Variants in GFI1B observed in about 807,000 individuals in gnomAD.
The protein encoded by GFI1B is growth factor independent 1B transcriptional repressor, also known as zinc finger protein Gfi-1b.
Under a neutral mutation model 35.3 loss-of-function variants are expected in GFI1B, and 20 were observed. The ratio of observed to expected loss-of-function variants is 0.57; its 90% CI spans 0.40 to 0.82. GFI1B has a LOEUF of 0.82. GFI1B is among the 40% of genes least tolerant of loss of function. The pLI is 0.00. For missense variants in GFI1B, 430 were observed against 446.3 expected (o/e 0.96, Z 0.33); for synonymous variants, 178 against 177.6 (o/e 1.00, Z -0.02).
At chr9:132,984,198 G>A (rs61023689) in intron 1 of GFI1B, among the ~76,000 whole-genome samples, 2,480 of 152,290 alleles carry the variant, frequency 0.016, 67 homozygotes, top group African/African-American at 0.056. Flanking sequence ...AGTGCAAGGG[G>A]AACCCCACAC....
Position 132,989,314 on chromosome 9 carries a change from G to A in GFI1B, c.648+116G>A. Reference sequence around the variant, plus strand: ...CTGCCCCTGGGGGTGACACAGATTGGGAGGGGTCCCCTAGTACCCACCTCC... The same window carrying A: ...CTGCCCCTGGGGGTGACACAGATTGAGAGGGGTCCCCTAGTACCCACCTCC... On this transcript the variant is annotated intron_variant, in intron 5 of 6. Transcript: ENST00000372122. The surrounding 1 kb of genome is among the most constrained non-coding windows in gnomAD (Gnocchi z 6.2). 1 of 1,057,016 alleles carries A rather than the reference G, an allele frequency of 9.5e-7. No individual in the cohort carries two copies. The allele number at this position is 1,057,016 out of a possible 1,614,324, so 65.5% of individuals were successfully genotyped here.
chr9:132,979,322 C>T (rs1848735061), intron 1 of GFI1B, among the ~76,000 whole-genome samples: 1 of 145,226 alleles, frequency 6.9e-6, no homozygotes, highest in South Asian at 2.1e-4. Context: ...GCACTGAAAC[C>T]TCTGCCTCCC....
chr9:132,970,967 C>T (rs560503046), intron 1 of GFI1B, among the ~76,000 whole-genome samples: 1 of 152,272 alleles, frequency 6.6e-6, no homozygotes, highest in East Asian at 1.9e-4. Context: ...CTAACCCTGC[C>T]GCAACTAAGA....
chr9:132,965,248 G>A (rs1057485013), intron 1 of GFI1B, among the ~76,000 whole-genome samples: 1 of 152,188 alleles, frequency 6.6e-6, no homozygotes, highest in Non-Finnish European at 1.5e-5. Flanking sequence ...TCACTAAATA[G>A]AACTAGGCTG....
At chr9:132,976,829 C>G (rs1848644582), upstream of GFI1B, among the ~76,000 whole-genome samples, 1 of 152,144 alleles carries the variant, frequency 6.6e-6, no homozygotes, top group African/African-American at 2.4e-5. Flanking sequence ...GTAGTCCCAG[C>G]CACTCAAGAG....
At chr9:132,990,761 A>T in intron 6 of GFI1B, 111 bp from the exon 7 acceptor site, 1 of 899,724 alleles carries the variant, frequency 1.1e-6, no homozygotes, top group Non-Finnish European at 1.8e-6. Context: ...GCCATGAGAG[A>T]AAACACAGGA....
intron 1 of GFI1B, among the ~76,000 whole-genome samples, chr9:132,955,765 T>C (rs1315779990): frequency 6.6e-6 from 1 of 151,858 alleles, no homozygotes; most frequent in Non-Finnish European, 1.5e-5. Context: ...TAGTAAGAGT[T>C]CTCCAGAGAA....
chr9:132,991,342 A>C lies in GFI1B; in HGVS notation c.*292A>C. The C allele has an allele frequency of 2.2e-6, 1 of 454,168 alleles. No homozygotes were observed. The highest frequency in any genetic ancestry group is 4.3e-5 in the East Asian group (1 of 23,244). 28.1% of individuals were successfully genotyped at this position (454,168 alleles called of 1,614,324 possible). On this transcript the variant is annotated 3_prime_UTR_variant, in exon 7 of 7. Transcript: ENST00000372122. The stretch of plus-strand genomic sequence containing the variant: ...CTAGCAGAGCACAGAAAGCTAGAAT[A>C]CCCCCAGGGAGACAGGGATGCCAAG...
intron 1 of GFI1B, among the ~76,000 whole-genome samples, chr9:132,950,394 C>A (rs918280734): frequency 1.8e-4 from 28 of 151,910 alleles, no homozygotes; most frequent in African/African-American, 6.8e-4. Context: ...ACACCGCCTG[C>A]TTACTCAGGT....
intron 1 of GFI1B, among the ~76,000 whole-genome samples, chr9:132,969,521 G>GT (rs1279112967): frequency 6.6e-6 from 1 of 152,194 alleles, no homozygotes; most frequent in Non-Finnish European, 1.5e-5. Flanking sequence ...TACATTCCAT[G>GT]TATGCATTCA....
upstream of GFI1B, among the ~76,000 whole-genome samples, chr9:132,977,051 G>A (rs1848651193): frequency 6.6e-6 from 1 of 152,194 alleles, no homozygotes; most frequent in Non-Finnish European, 1.5e-5. Context: ...TCTGCCTTCT[G>A]GGTTCAAGCA....
At chr9:132,978,633 G>C (rs1047953043), upstream of GFI1B, 1 of 152,174 alleles carries the variant, frequency 6.6e-6, no homozygotes, top group African/African-American at 2.4e-5. Flanking sequence ...CTTGTTCACC[G>C]CCAGATTTTG....
chr9:132,975,367 G>A (rs1247601660), upstream of GFI1B, among the ~76,000 whole-genome samples: 1 of 152,130 alleles, frequency 6.6e-6, no homozygotes, highest in Non-Finnish European at 1.5e-5. Flanking sequence ...GCTCCCTTCA[G>A]GGGACCTCCA....
At position 132,988,427 on chromosome 9, in the gene GFI1B, T is replaced by C. The variant is rs745314098; in HGVS notation, c.469T>C (p.Ser157Pro). The C allele has an allele frequency of 1.3e-5, 21 of 1,613,890 alleles. No homozygotes were observed. The highest frequency in any genetic ancestry group is 1.7e-5 in the Non-Finnish European group (20 of 1,180,010). ...CGCCTTGGACTTCAGCCTCCGCTAC[T>C]CCCCAGGCATGGATGCGTACCACTG... ...EPALDFSLRY[S>P]PGMDAYHCVK... is the part of the protein sequence containing the mutation. Residue 157 changes from serine (S) to proline (P), a missense_variant, in exon 4 of 7, where the codon TCC (serine) becomes CCC (proline). Physicochemically the swap from Ser to Pro is moderately conservative, Grantham distance 74. Coordinates refer to ENST00000372122, the MANE Select transcript of GFI1B (RefSeq NM_001377304.1).
At chr9:132,958,184 G>A (rs1301020618) in intron 1 of GFI1B, among the ~76,000 whole-genome samples, 2 of 152,118 alleles carry the variant, frequency 1.3e-5, no homozygotes, top group Non-Finnish European at 2.9e-5. Context: ...GGGAGGGGCT[G>A]TTTAGAAACA....
chr9:132,946,630 A>C (rs7048538), intron 1 of GFI1B: 32,788 of 152,166 alleles, frequency 0.22, 3,666 homozygotes, highest in African/African-American at 0.23. Flanking sequence ...CACACCAGGG[A>C]AGGGATTCAA....
At chr9:132,946,900 T>A (rs540472778) in intron 1 of GFI1B, 1 of 152,438 alleles carries the variant, frequency 6.6e-6, no homozygotes, top group Admixed American at 6.5e-5. Flanking sequence ...GGAAGAAGAA[T>A]GGGCATTGTT....
chr9:132,949,578 G>A (rs1207678887), intron 1 of GFI1B: 4 of 152,420 alleles, frequency 2.6e-5, no homozygotes, highest in African/African-American at 7.2e-5. Context: ...AGGTGCCCTC[G>A]AGGGTTATGC....
chr9:132,977,289 C>T (rs1201457548), upstream of GFI1B, among the ~76,000 whole-genome samples: 2 of 152,144 alleles, frequency 1.3e-5, no homozygotes, highest in Non-Finnish European at 2.9e-5. Context: ...ATGTTTCTTT[C>T]CACCAAGAGA....
Sources: allele counts gnomAD v4.1 joint callset (sites outside exome capture counted in the v4.1 genomes callset), GRCh38; gene constraint gnomAD v4.1.1; non-coding constraint Gnocchi (gnomAD v3.1); transcripts MANE v1.5; gene names NCBI Gene and HGNC (gene_info 2026-07-23, HGNC 2026-07-21).